Variants in ROCK1 observed in about 807,000 individuals in gnomAD.
The protein encoded by ROCK1 is Rho associated coiled-coil containing protein kinase 1, also known as rho-associated protein kinase 1.
A neutral mutation model predicts 196.8 loss-of-function variants in ROCK1; 36 were observed. The observed-to-expected ratio is 0.18, with a 90% CI of 0.14 to 0.24. ROCK1 has a LOEUF of 0.24. Ranked by LOEUF, ROCK1 falls within the 10% of genes least tolerant of loss-of-function variation. ROCK1 has a pLI of 1.00. For synonymous variants in ROCK1, 443 were observed against 515.9 expected (o/e 0.86, Z 1.91); for missense variants, 920 against 1,562.0 (o/e 0.59, Z 6.93).
chr18:21,046,214 C>T (rs2036157037), intron 4 of ROCK1, among the ~76,000 whole-genome samples: 1 of 151,994 alleles, frequency 6.6e-6, no homozygotes, highest in South Asian at 2.1e-4. Context: ...CCGGCCTCAG[C>T]TGTTTCTTAT....
In ROCK1 at chr18:21,019,720, C is replaced by T. The variant is rs288984; in HGVS notation, c.1361+431G>A. 7.3e-3 allele frequency among the ~76,000 whole-genome samples: 1,100 copies of T among 151,450 alleles called. 18 individuals carry two copies. The highest frequency in any genetic ancestry group is 0.025 in the African/African-American group (1,024 of 41,282). On this transcript the variant is annotated intron_variant, in intron 12 of 32. Transcript: ENST00000399799. ...GGCTGAGGCAGGAGAATGGCGTGAA[C>T]CCGGGAGGCGGAGCTTGCAGTGAGC...
At chr18:21,020,332 A>C in intron 11 of ROCK1, 93 bp from the exon 12 acceptor site, 1 of 580,660 alleles carries the variant, frequency 1.7e-6, no homozygotes, top group South Asian at 3.2e-5. Flanking sequence ...AAACCTTTTT[A>C]GAAAATAATT....
intron 27 of ROCK1, among the ~76,000 whole-genome samples, chr18:20,966,380 A>C (rs975411701): frequency 3.9e-5 from 6 of 152,176 alleles, no homozygotes; most frequent in South Asian, 2.1e-4. Context: ...CCTTTATTTG[A>C]CACCCCCGGC....
intron 12 of ROCK1, among the ~76,000 whole-genome samples, chr18:21,019,231 G>A (rs1416020168): frequency 1.3e-5 from 2 of 152,016 alleles, no homozygotes; most frequent in Non-Finnish European, 2.9e-5. Context: ...TCGACTTCCT[G>A]CAACCTCTCC....
At chr18:20,958,922 T>TATATAATATATATA (rs2035277898) in intron 29 of ROCK1, among the ~76,000 whole-genome samples, 1 of 81,346 alleles carries the variant, frequency 1.2e-5, no homozygotes, top group African/African-American at 5.2e-5. Flanking sequence ...TTATATATTT[T>TATATAATATATATA]ATATATATAT....
intron 9 of ROCK1, among the ~76,000 whole-genome samples, chr18:21,039,164 A>T (rs1453765618): frequency 6.6e-6 from 1 of 152,142 alleles, no homozygotes. Context: ...CTTATTGACC[A>T]CCTCCATAAT....
At chr18:20,958,947 T>C in intron 29 of ROCK1, among the ~76,000 whole-genome samples, 1 of 84,792 alleles carries the variant, frequency 1.2e-5, no homozygotes, top group Admixed American at 2.3e-4. Flanking sequence ...TAAAAAATAA[T>C]ATATATATTT....
rs2035783944 is a variant in ROCK1, at chr18:21,008,118, T to C, written c.1487A>G (p.Asn496Ser). Residue 496 changes from asparagine to serine, a missense_variant, in exon 14 of 33, where the codon AAT (asparagine) becomes AGT (serine). Physicochemically the swap from Asn to Ser is conservative, Grantham distance 46. This residue lies in a region of ROCK1 where 520 missense variants were observed against 657.1 expected (regional missense o/e 0.79). Coordinates refer to ENST00000399799, the MANE Select transcript of ROCK1 (RefSeq NM_005406.3). Reference sequence around the variant, plus strand: ...CTGTTCAGCTTTTCTTTGGTACTCATTAATTCTATGCTGTAGCAACATTTT... The same window carrying C: ...CTGTTCAGCTTTTCTTTGGTACTCACTAATTCTATGCTGTAGCAACATTTT... ...KEKMLLQHRI[N>S]EYQRKAEQEN... The C allele has an allele frequency of 6.2e-7, 1 of 1,605,540 alleles. No homozygotes were observed. The highest frequency in any genetic ancestry group is 1.3e-5 in the African/African-American group (1 of 74,586).
At chr18:20,973,381 G>A (rs904857354) in intron 22 of ROCK1, among the ~76,000 whole-genome samples, 6 of 151,124 alleles carry the variant, frequency 4.0e-5, no homozygotes, top group Non-Finnish European at 7.4e-5. Context: ...AGGTTCAAGC[G>A]ATTCTCCTGC....
chr18:20,977,810 C>G (rs923275822), intron 22 of ROCK1, among the ~76,000 whole-genome samples: 3 of 152,156 alleles, frequency 2.0e-5, no homozygotes, highest in Non-Finnish European at 4.4e-5. Flanking sequence ...AATGCATACA[C>G]CTGGGATTGC....
At chr18:21,053,454 C>T (rs1342457437) in intron 2 of ROCK1, among the ~76,000 whole-genome samples, 4 of 152,122 alleles carry the variant, frequency 2.6e-5, no homozygotes, top group African/African-American at 4.8e-5. Flanking sequence ...ATTCCTTTAG[C>T]ACAGCTATAC....
At chr18:20,989,338 G>C (rs1252735823) in intron 18 of ROCK1, among the ~76,000 whole-genome samples, 1 of 152,138 alleles carries the variant, frequency 6.6e-6, no homozygotes. Flanking sequence ...AGACCATATG[G>C]CCATTAACTA....
At chr18:20,971,317 C>CACACAT (rs879530392) in intron 22 of ROCK1, among the ~76,000 whole-genome samples, 17 of 40,196 alleles carry the variant, frequency 4.2e-4, no homozygotes, top group Admixed American at 9.2e-4. Context: ...CACACACACA[C>CACACAT]ACACACACAC....
chr18:21,098,450 C>T (rs1482309549), intron 1 of ROCK1, among the ~76,000 whole-genome samples: 1 of 151,624 alleles, frequency 6.6e-6, no homozygotes, highest in Non-Finnish European at 1.5e-5. Context: ...AAAGTAAAAA[C>T]TGAAAAAAAC....
chr18:21,006,402 C>A lies in ROCK1; in HGVS notation c.1834G>T (p.Ala612Ser). Residue 612 changes from alanine to serine, a missense_variant, in exon 16 of 33, where the codon GCT (alanine) becomes TCT (serine). This residue lies in a region of ROCK1 where 520 missense variants were observed against 657.1 expected (regional missense o/e 0.79). Coordinates refer to ENST00000399799, the MANE Select transcript of ROCK1 (RefSeq NM_005406.3). ...TCATGACCTCTGTCTCTTCGTTCAG[C>A]TTCTAATATAGCTTGCAGCTGGTAA... ...DYYQLQAILE[A>S]ERRDRGHDSE... is the part of the protein sequence containing the mutation. 1.2e-6 allele frequency: 2 copies of A among 1,613,422 alleles called. No individual in the cohort carries two copies. The highest frequency in any genetic ancestry group is 1.7e-6 in the Non-Finnish European group (2 of 1,179,942).
intron 1 of ROCK1, among the ~76,000 whole-genome samples, chr18:21,092,399 TC>T (rs775735069): frequency 1.3e-4 from 19 of 151,908 alleles, no homozygotes; most frequent in Non-Finnish European, 2.6e-4. Flanking sequence ...CTGGGCAACA[TC>T]GTTAAGACTT....
chr18:20,974,843 T>A (rs1215779242), intron 22 of ROCK1, among the ~76,000 whole-genome samples: 1 of 152,240 alleles, frequency 6.6e-6, no homozygotes, highest in Non-Finnish European at 1.5e-5. Context: ...GTTCCTACTC[T>A]GATCTCCTTC....
chr18:21,035,539 G>A (rs1487199178), intron 9 of ROCK1, among the ~76,000 whole-genome samples: 1 of 151,668 alleles, frequency 6.6e-6, no homozygotes, highest in African/African-American at 2.4e-5. Context: ...TCCACTTCTA[G>A]GTATATACTC....
intron 9 of ROCK1, among the ~76,000 whole-genome samples, chr18:21,037,122 A>G (rs73959777): frequency 0.01 from 1,579 of 152,136 alleles, 30 homozygotes; most frequent in African/African-American, 0.036. Context: ...AGGTCTTTTC[A>G]TTTCTTTTGT....
Sources: gnomAD v4.1 joint callset for allele counts (sites outside exome capture counted in the v4.1 genomes callset) on GRCh38, gnomAD v4.1.1 for gene constraint, gnomAD v4.1.1 regional missense constraint, MANE v1.5 for transcripts, NCBI Gene and HGNC (gene_info 2026-07-23, HGNC 2026-07-21) for gene names.